The following ADRA1B variants were observed in gnomAD, a reference collection of about 807,000 sequenced individuals.
ADRA1B encodes alpha-1B adrenergic receptor.
In ADRA1B, 17 loss-of-function variants were observed where a neutral mutation model predicts 17.9. That is an observed-to-expected ratio of 0.95 (90% confidence interval 0.65 to 1.42). The LOEUF is 1.42. ADRA1B is among the 40% of genes most tolerant of loss of function. The pLI, the probability that ADRA1B is intolerant of heterozygous loss-of-function variation, is 0.00. For missense variants in ADRA1B, 681 were observed against 722.1 expected (o/e 0.94, Z 0.65); for synonymous variants, 366 against 327.6 (o/e 1.12, Z -1.27).
At chr5:159,934,580 G>A (rs567323795) in intron 1 of ADRA1B, among the ~76,000 whole-genome samples, 93 of 152,024 alleles carry the variant, frequency 6.1e-4, no homozygotes, top group Admixed American at 1.2e-3. Flanking sequence ...CGAGGCGGGC[G>A]GATCACTTGA....
intron 1 of ADRA1B, among the ~76,000 whole-genome samples, chr5:159,939,320 T>TGCGCGCGCGCGC (rs1170671488): frequency 1.8e-5 from 2 of 108,150 alleles, no homozygotes; most frequent in East Asian, 2.8e-4. Context: ...TGTGTGTGTG[T>TGCGCGCGCGCGC]GTGCGCGCGC....
rs59807316 is a variant in ADRA1B, at chr5:159,927,381, G to GCACACACACACACACACACACACA, written c.949+9537_949+9560dup. Among the ~76,000 whole-genome samples, 15 of 140,736 alleles carry GCACACACACACACACACACACACA rather than the reference G, an allele frequency of 1.1e-4. 1 individual carries two copies. The highest frequency in any genetic ancestry group is 4.4e-4 in the East Asian group (2 of 4,568). 92.3% of individuals were successfully genotyped at this position (140,736 alleles called of 152,430 possible). Reference sequence around the variant, plus strand: ...ATAATAAAATTATAAATTAAAACATGCACACACACACACACACACACACAC... The same window carrying GCACACACACACACACACACACACA: ...ATAATAAAATTATAAATTAAAACATGCACACACACACACACACACACACACACACACACACACACACACACACAC... On this transcript the variant is annotated intron_variant, in intron 1 of 1. Transcript: ENST00000306675.
intron 1 of ADRA1B, among the ~76,000 whole-genome samples, chr5:159,919,105 T>TA (rs143538261): frequency 0.026 from 3,994 of 152,296 alleles, 79 homozygotes; most frequent in Non-Finnish European, 0.036. Flanking sequence ...AGTTTCCATT[T>TA]AAAAAGAAAG....
chr5:159,938,479 G>A (rs774775284), intron 1 of ADRA1B, among the ~76,000 whole-genome samples: 2 of 152,132 alleles, frequency 1.3e-5, no homozygotes, highest in African/African-American at 4.8e-5. Context: ...AATCATTAGC[G>A]TAAGTGGATG....
chr5:159,951,295 T>C (rs979173290), intron 1 of ADRA1B: 1 of 1,327,420 alleles, frequency 7.5e-7, no homozygotes, highest in Admixed American at 1.7e-5. Flanking sequence ...TTTCCATTGA[T>C]GACAAGCTTC....
chr5:159,916,641 C>T lies in ADRA1B; in HGVS notation c.-265C>T. On this transcript the variant is annotated 5_prime_UTR_variant, in exon 1 of 2. Transcript: ENST00000306675. ...CCGCTCCCCCGCGAGCCCGGCCAGGCGCGCCTGACGTGGACCATTAAACTT... is the reference window on the plus strand; with the variant it reads ...CCGCTCCCCCGCGAGCCCGGCCAGGTGCGCCTGACGTGGACCATTAAACTT... 3.6e-6 allele frequency: 1 copy of T among 279,922 alleles called. No individual in the cohort carries two copies. The highest frequency in any genetic ancestry group is 6.5e-5 in the East Asian group (1 of 15,468). 17.3% of individuals were successfully genotyped at this position (279,922 alleles called of 1,614,324 possible). A position where few individuals can be genotyped will look rare whatever the true frequency, so the allele number is the denominator to read the frequency against.
chr5:159,895,916 G>A (rs2195926), intron 1 of ADRA1B, among the ~76,000 whole-genome samples: 107,122 of 152,102 alleles, frequency 0.7, 39,660 homozygotes, highest in African/African-American at 0.89. Flanking sequence ...CAGGAGTTCA[G>A]TGCTCCCAGC....
At chr5:159,890,641 A>AC in intron 1 of ADRA1B, among the ~76,000 whole-genome samples, 1 of 152,256 alleles carries the variant, frequency 6.6e-6, no homozygotes, top group South Asian at 2.1e-4. Flanking sequence ...ATCAAGTCAA[A>AC]CCCCCGCACA....
At chr5:159,869,087 C>A (rs956108230) in intron 1 of ADRA1B, 1 of 152,170 alleles carries the variant, frequency 6.6e-6, no homozygotes, top group East Asian at 1.9e-4. Context: ...AAATCGGGCA[C>A]ACATACATAT....
intron 1 of ADRA1B, among the ~76,000 whole-genome samples, chr5:159,906,061 G>C (rs1754158424): frequency 6.6e-6 from 1 of 152,114 alleles, no homozygotes. Flanking sequence ...CGCCACATTG[G>C]CTAGGCTGGT....
chr5:159,981,287 T>A, the ADRA1B span, among the ~76,000 whole-genome samples: 7 of 152,122 alleles, frequency 4.6e-5, no homozygotes, highest in African/African-American at 1.7e-4. Flanking sequence ...ATCCCTGACC[T>A]CTACCTACTA....
intron 1 of ADRA1B, among the ~76,000 whole-genome samples, chr5:159,919,268 A>T (rs1754412115): frequency 6.6e-6 from 1 of 152,090 alleles, no homozygotes; most frequent in South Asian, 2.1e-4. Flanking sequence ...ATCACATACC[A>T]TTGCAGGGAA....
At chr5:159,959,112 G>T (rs991714112) in intron 1 of ADRA1B, among the ~76,000 whole-genome samples, 5 of 152,164 alleles carry the variant, frequency 3.3e-5, no homozygotes, top group African/African-American at 7.2e-5. Context: ...AGCTTTTACA[G>T]TTCCCAAAGA....
At chr5:159,879,900 G>A (rs186521169) in intron 1 of ADRA1B, among the ~76,000 whole-genome samples, 18 of 152,262 alleles carry the variant, frequency 1.2e-4, no homozygotes, top group African/African-American at 4.3e-4. Flanking sequence ...TGAGGCTGAG[G>A]CAGAAGAATC....
upstream of ADRA1B, among the ~76,000 whole-genome samples, chr5:159,913,981 GC>G (rs1426373199): frequency 5.9e-5 from 9 of 152,122 alleles, no homozygotes; most frequent in Non-Finnish European, 8.8e-5. Flanking sequence ...AAGTAAACCA[GC>G]TCAAGAGAAG....
chr5:159,907,055 C>T (rs1005344535), intron 1 of ADRA1B, among the ~76,000 whole-genome samples: 33 of 152,144 alleles, frequency 2.2e-4, no homozygotes, highest in African/African-American at 8.0e-4. Context: ...GCCTTCGAGC[C>T]TCTTTGGTCT....
At chr5:159,900,756 C>T (rs965252325) in intron 1 of ADRA1B, among the ~76,000 whole-genome samples, 1 of 152,238 alleles carries the variant, frequency 6.6e-6, no homozygotes, top group South Asian at 2.1e-4. Context: ...GGCAGCCCCC[C>T]AGCCATGCAG....
At chr5:159,973,278 GC>G (rs1755921867), downstream of ADRA1B, among the ~76,000 whole-genome samples, 1 of 152,176 alleles carries the variant, frequency 6.6e-6, no homozygotes, top group African/African-American at 2.4e-5. Context: ...CCCTGGACTT[GC>G]CTAATGAATC....
intron 1 of ADRA1B, among the ~76,000 whole-genome samples, chr5:159,951,651 G>A (rs181708454): frequency 9.2e-5 from 14 of 152,166 alleles, no homozygotes; most frequent in African/African-American, 3.4e-4. Flanking sequence ...TCTGCTCCTC[G>A]GGCCGGAACC....
Sources: allele counts gnomAD v4.1 joint callset (sites outside exome capture counted in the v4.1 genomes callset), GRCh38; gene constraint gnomAD v4.1.1; transcripts MANE v1.5; gene names NCBI Gene and HGNC (gene_info 2026-07-23, HGNC 2026-07-21).